Variants in MTUS2 observed in about 807,000 individuals in gnomAD.
The protein encoded by MTUS2 is microtubule associated scaffold protein 2.
A neutral mutation model predicts 114.1 loss-of-function variants in MTUS2; 40 were observed. That is an observed-to-expected ratio of 0.35 (90% confidence interval 0.27 to 0.46). The LOEUF is 0.46. MTUS2 is among the 20% of genes least tolerant of loss of function. MTUS2 has a pLI of 1.00. For missense variants in MTUS2, 1,679 were observed against 1,705.4 expected (o/e 0.98, Z 0.27); for synonymous variants, 688 against 672.0 (o/e 1.02, Z -0.37).
intron 8 of MTUS2, among the ~76,000 whole-genome samples, chr13:29,407,070 C>T (rs572883812): frequency 5.8e-4 from 88 of 152,234 alleles, no homozygotes; most frequent in Non-Finnish European, 9.7e-4. Flanking sequence ...CATGGTGAAA[C>T]CCTGTGTCTA....
intron 1 of MTUS2, among the ~76,000 whole-genome samples, chr13:28,825,630 G>A (rs2137929596): frequency 6.6e-6 from 1 of 152,288 alleles, no homozygotes; most frequent in Middle Eastern, 3.4e-3. Context: ...CATGGAGAAG[G>A]TGAAGAAACC....
chr13:28,933,292 TCAGTCTA>T (rs1881721546), intron 2 of MTUS2, among the ~76,000 whole-genome samples: 2 of 152,154 alleles, frequency 1.3e-5, no homozygotes, highest in African/African-American at 4.8e-5. Context: ...GTTGTAATCT[TCAGTCTA>T]CAGTCTGCAG....
At chr13:29,102,151 TAAA>T (rs1303617256) in intron 5 of MTUS2, among the ~76,000 whole-genome samples, 1 of 152,226 alleles carries the variant, frequency 6.6e-6, no homozygotes, top group African/African-American at 2.4e-5. Context: ...ATGAATGTAA[TAAA>T]GAACTGTTTG....
chr13:28,968,126 A>T (rs1883683972), intron 2 of MTUS2, among the ~76,000 whole-genome samples: 1 of 152,210 alleles, frequency 6.6e-6, no homozygotes, highest in Non-Finnish European at 1.5e-5. Flanking sequence ...AAGTATCTGC[A>T]GTAGTGATTC....
intron 6 of MTUS2, among the ~76,000 whole-genome samples, chr13:29,290,061 G>A (rs950379008): frequency 4.6e-5 from 7 of 152,132 alleles, no homozygotes; most frequent in African/African-American, 1.7e-4. Flanking sequence ...CTTACCTGTC[G>A]TTCTACATAT....
intron 10 of MTUS2, among the ~76,000 whole-genome samples, chr13:29,483,275 C>T (rs1465889131): frequency 6.6e-6 from 1 of 152,230 alleles, no homozygotes; most frequent in Non-Finnish European, 1.5e-5. Flanking sequence ...TCTGAGGCCG[C>T]AAATATCACT....
intron 7 of MTUS2, among the ~76,000 whole-genome samples, chr13:29,341,598 T>C (rs1281058549): frequency 6.6e-6 from 1 of 152,192 alleles, no homozygotes; most frequent in East Asian, 1.9e-4. Context: ...GGGATGTCTG[T>C]TCACTCTGCT....
chr13:29,021,738 T>C (rs9579263), intron 2 of MTUS2, among the ~76,000 whole-genome samples: 5,010 of 152,348 alleles, frequency 0.033, 128 homozygotes, highest in East Asian at 0.11. Context: ...TTGATTTGCC[T>C]ACATGCTTTT....
intron 4 of MTUS2, 89 bp downstream of exon 4, chr13:29,034,214 C>G (rs1054045374): frequency 6.5e-7 from 1 of 1,539,212 alleles, no homozygotes; most frequent in African/African-American, 1.4e-5. Context: ...AATATGAATG[C>G]CTTTCATCCT....
chr13:29,428,451 G>C (rs571117329), intron 8 of MTUS2, among the ~76,000 whole-genome samples: 1 of 152,336 alleles, frequency 6.6e-6, no homozygotes, highest in African/African-American at 2.4e-5. Context: ...GCTGGGAGCG[G>C]CCGCGCACCC....
intron 4 of MTUS2, among the ~76,000 whole-genome samples, chr13:29,065,914 C>A (rs1168160932): frequency 6.9e-6 from 1 of 145,740 alleles, no homozygotes; most frequent in African/African-American, 2.8e-5. Flanking sequence ...AAATTCAAAC[C>A]CCCCCCCACC....
chr13:29,235,260 A>AT (rs754907853), intron 5 of MTUS2, among the ~76,000 whole-genome samples: 3 of 151,976 alleles, frequency 2.0e-5, no homozygotes, highest in Non-Finnish European at 2.9e-5. Context: ...CGCCTGGCTA[A>AT]TTTTGTATTT....
At chr13:29,325,550 GA>G in intron 7 of MTUS2, among the ~76,000 whole-genome samples, 1 of 39,280 alleles carries the variant, frequency 2.5e-5, no homozygotes, top group Non-Finnish European at 8.5e-5. Flanking sequence ...AAAGAAGAAG[GA>G]AGAAGAGGAA....
chr13:29,421,137 C>T (rs185337650), intron 8 of MTUS2, among the ~76,000 whole-genome samples: 8 of 152,248 alleles, frequency 5.3e-5, no homozygotes, highest in East Asian at 1.9e-4. Context: ...TGTGGATGAT[C>T]GTAACTACCC....
chr13:29,286,397 T>C (rs1898480996), intron 6 of MTUS2, among the ~76,000 whole-genome samples: 1 of 152,182 alleles, frequency 6.6e-6, no homozygotes, highest in Admixed American at 6.5e-5. Flanking sequence ...CACACGTAGC[T>C]CTTTGTTGAA....
At chr13:28,847,880 G>A (rs1382492526) in intron 2 of MTUS2, among the ~76,000 whole-genome samples, 1 of 152,076 alleles carries the variant, frequency 6.6e-6, no homozygotes, top group African/African-American at 2.4e-5. Context: ...CTCAGACTTG[G>A]GAGGAGAGCG....
chr13:29,073,468 CT>C (rs751181819), intron 4 of MTUS2, among the ~76,000 whole-genome samples: 1 of 152,080 alleles, frequency 6.6e-6, no homozygotes, highest in Non-Finnish European at 1.5e-5. Flanking sequence ...TCTGATGAGT[CT>C]TTCTATTATT....
intron 7 of MTUS2, among the ~76,000 whole-genome samples, chr13:29,325,242 G>A (rs1378483727): frequency 6.6e-6 from 1 of 152,122 alleles, no homozygotes. Context: ...GATCACTTGA[G>A]GTCAGGAGTT....
At chr13:28,963,233 C>T (rs1883415394) in intron 2 of MTUS2, among the ~76,000 whole-genome samples, 1 of 151,986 alleles carries the variant, frequency 6.6e-6, no homozygotes, top group South Asian at 2.1e-4. Flanking sequence ...CGCCTGTAGT[C>T]CCAACTACTC....
Sources: gnomAD v4.1 joint callset for allele counts (sites outside exome capture counted in the v4.1 genomes callset) on GRCh38, gnomAD v4.1.1 for gene constraint, MANE v1.5 for transcripts, NCBI Gene and HGNC (gene_info 2026-07-23, HGNC 2026-07-21) for gene names.